SLC26A8: variants seen among roughly 807,000 people sequenced by gnomAD.
The protein encoded by SLC26A8 is testis anion transporter 1.
SLC26A8 carries 70 observed loss-of-function variants against 105.0 expected under a neutral mutation model. The ratio of observed to expected loss-of-function variants is 0.67; its 90% CI spans 0.55 to 0.81. The LOEUF is 0.81. SLC26A8 is among the 40% of genes least tolerant of loss of function. SLC26A8 has a pLI of 0.00. For missense variants in SLC26A8, 998 were observed against 1,181.8 expected, an observed-to-expected ratio of 0.84 and a Z score of 2.28; for synonymous variants, 415 against 438.3, an observed-to-expected ratio of 0.95 and a Z score of 0.66.
chr6:35,983,790 G>C (rs914272668), intron 7 of SLC26A8, among the ~76,000 whole-genome samples: 50 of 152,044 alleles, frequency 3.3e-4, no homozygotes, highest in African/African-American at 1.1e-3. Flanking sequence ...CCTGACCTCA[G>C]GTGATCCTCC....
chr6:36,020,799 T>C (rs1002854613), intron 1 of SLC26A8, among the ~76,000 whole-genome samples: 1 of 152,184 alleles, frequency 6.6e-6, no homozygotes, highest in Non-Finnish European at 1.5e-5. Context: ...AAAAAGCATA[T>C]GTATAAACCA....
chr6:35,993,964 C>T (rs1278062212), intron 5 of SLC26A8, among the ~76,000 whole-genome samples: 1 of 152,266 alleles, frequency 6.6e-6, no homozygotes, highest in South Asian at 2.1e-4. Flanking sequence ...AAACAGAAGT[C>T]TTAAAGCTTA....
chr6:36,005,331 A>G (rs1341743440), intron 3 of SLC26A8, among the ~76,000 whole-genome samples: 1 of 152,146 alleles, frequency 6.6e-6, no homozygotes, highest in Admixed American at 6.5e-5. Flanking sequence ...TTTGAATCTC[A>G]TCAGTTTTTT....
chr6:35,967,920 C>T (rs757229016), intron 11 of SLC26A8, among the ~76,000 whole-genome samples: 4 of 152,144 alleles, frequency 2.6e-5, no homozygotes, highest in Non-Finnish European at 4.4e-5. Context: ...ATGGCGTGAT[C>T]TCAGCTCACT....
At chr6:36,011,308 A>G (rs1488727981) in intron 3 of SLC26A8, among the ~76,000 whole-genome samples, 1 of 152,202 alleles carries the variant, frequency 6.6e-6, no homozygotes, top group East Asian at 1.9e-4. Flanking sequence ...GACCAAGAGG[A>G]CTGTGAATGA....
chr6:36,021,822 C>T (rs554051562), intron 1 of SLC26A8, among the ~76,000 whole-genome samples: 5 of 152,172 alleles, frequency 3.3e-5, no homozygotes, highest in Admixed American at 1.3e-4. Context: ...CTCGCTCTGT[C>T]GCCCAGGCTG....
At chr6:35,992,986 A>C (rs1434557637) in intron 5 of SLC26A8, among the ~76,000 whole-genome samples, 1 of 152,102 alleles carries the variant, frequency 6.6e-6, no homozygotes, top group Non-Finnish European at 1.5e-5. Context: ...CAAGGTGATC[A>C]GAACAAGCCT....
intron 5 of SLC26A8, among the ~76,000 whole-genome samples, chr6:35,994,599 G>C (rs6922878): frequency 1.4e-5 from 2 of 141,438 alleles, no homozygotes; most frequent in Admixed American, 7.1e-5. Flanking sequence ...TTTTTGAGAC[G>C]GAGTCTTGCT....
intron 10 of SLC26A8, among the ~76,000 whole-genome samples, chr6:35,975,040 G>A (rs1042949982): frequency 1.1e-4 from 16 of 151,964 alleles, no homozygotes; most frequent in African/African-American, 3.9e-4. Flanking sequence ...TTACAGGCGT[G>A]AGCCACCACA....
intron 1 of SLC26A8, among the ~76,000 whole-genome samples, chr6:36,023,874 C>G (rs1191632569): frequency 1.3e-5 from 2 of 152,128 alleles, no homozygotes; most frequent in Admixed American, 1.3e-4. Flanking sequence ...TGGCTAGTGG[C>G]TAGGGATGAC....
chr6:35,973,299 C>A (rs1772868101), intron 10 of SLC26A8, among the ~76,000 whole-genome samples: 1 of 152,150 alleles, frequency 6.6e-6, no homozygotes, highest in African/African-American at 2.4e-5. Context: ...CATGCTTGTA[C>A]AAAACACTCT....
intron 7 of SLC26A8, among the ~76,000 whole-genome samples, chr6:35,988,599 C>A (rs59906591): frequency 3.3e-5 from 5 of 151,954 alleles, no homozygotes; most frequent in African/African-American, 1.2e-4. Context: ...CATGCCACTG[C>A]ACTCCAGACT....
At chr6:36,015,832 G>A (rs889998302) in intron 2 of SLC26A8, among the ~76,000 whole-genome samples, 4 of 67,690 alleles carry the variant, frequency 5.9e-5, no homozygotes, top group African/African-American at 2.4e-4. Flanking sequence ...GCAGGGCTGT[G>A]TAGGACTTTC....
chr6:35,979,521 T>C (rs1454213297), intron 8 of SLC26A8, among the ~76,000 whole-genome samples: 2 of 152,156 alleles, frequency 1.3e-5, no homozygotes, highest in African/African-American at 2.4e-5. Context: ...TCCTTTGCGT[T>C]TTCCAGGTAA....
chr6:35,963,946 T>C (rs144593992), intron 11 of SLC26A8, among the ~76,000 whole-genome samples: 84 of 152,318 alleles, frequency 5.5e-4, no homozygotes, highest in African/African-American at 1.8e-3. Context: ...TGGTGGCTCA[T>C]GCCTGTAATC....
rs1271439581 is a variant in SLC26A8, at chr6:36,012,338, T to C, written c.223A>G (p.Thr75Ala). ...SWHRFLRCVL[T>A]IFPFLEWMCM... The stretch of plus-strand genomic sequence containing the variant: ...ATCCATTCTAGGAAGGGAAAGATTG[T>C]AAGCACGCATCGTAGGAACCTGTGC... The change falls in exon 3 of 20, where the codon ACA becomes GCA. Residue 75 changes from threonine (T) to alanine (A), a missense_variant. Transcript: ENST00000490799. 3 of 1,605,040 alleles carry C rather than the reference T, an allele frequency of 1.9e-6. No homozygotes were observed. Among genetic ancestry groups the C allele is most frequent in the Admixed American group, 1.7e-5 (1 of 57,388 alleles).
Position 35,943,713 on chromosome 6 carries a change from T to C in SLC26A8, c.*187A>G. 1 of 758,050 alleles carries C rather than the reference T, an allele frequency of 1.3e-6. No individual in the cohort carries two copies. Among genetic ancestry groups the C allele is most frequent in the Non-Finnish European group, 2.0e-6 (1 of 493,636 alleles). 47.0% of individuals were successfully genotyped at this position (758,050 alleles called of 1,614,324 possible). On this transcript the variant is annotated 3_prime_UTR_variant, in exon 20 of 20. Coordinates refer to ENST00000490799, the MANE Select transcript of SLC26A8 (RefSeq NM_052961.4). ...GGGAATTCAGAGATAATTGTTGGCA[T>C]TTAGTAATGTGATTTGGGAGTATGA...
At position 35,959,523 on chromosome 6, in the gene SLC26A8, A is replaced by T. The variant is rs778678726; in HGVS notation, c.1800T>A (p.Asn600Lys). 5.6e-6 allele frequency: 9 copies of T among 1,614,118 alleles called. No individual in the cohort carries two copies. The highest frequency in any genetic ancestry group is 6.8e-6 in the Non-Finnish European group (8 of 1,180,010). ...ACCTGCAAATCTTTCCTCCTTGTAG[A>T]TTGGTGTCACTTGAATTAAACAAGC... ...IFSLFNSSDT[N>K]LQGGKICRCF... The change falls in exon 16 of 20, where the codon AAT becomes AAA. Residue 600 changes from asparagine to lysine, a missense_variant. Physicochemically the swap from Asn to Lys is moderately conservative, Grantham distance 94. Transcript: ENST00000490799.
At position 35,996,783 on chromosome 6, in the gene SLC26A8, C is replaced by G. The variant is rs113080814; in HGVS notation, c.627+955G>C. Among the ~76,000 whole-genome samples the G allele has an allele frequency of 1.0e-2, 1,518 of 152,142 alleles. 34 individuals carry two copies. The highest frequency in any genetic ancestry group is 0.034 in the African/African-American group (1,398 of 41,476). ...GGTGCAGTGGCTCACACCTATAATC[C>G]CAACAGTTTGGGAGGCCGAGGTGGG... On this transcript the variant is annotated intron_variant, in intron 5 of 19. Coordinates refer to ENST00000490799, the MANE Select transcript of SLC26A8 (RefSeq NM_052961.4).
Sources: gnomAD v4.1 joint callset for allele counts (sites outside exome capture counted in the v4.1 genomes callset) on GRCh38, gnomAD v4.1.1 for gene constraint, MANE v1.5 for transcripts, NCBI Gene and HGNC (gene_info 2026-07-23, HGNC 2026-07-21) for gene names.